The following SPATA13 variants were observed in gnomAD, a reference collection of about 807,000 sequenced individuals.
SPATA13 encodes the protein spermatogenesis-associated protein 13.
Under a neutral mutation model 104.0 loss-of-function variants are expected in SPATA13, and 50 were observed. That is an observed-to-expected ratio of 0.48 (90% CI 0.38 to 0.61). The LOEUF is 0.61. Ranked by LOEUF, SPATA13 falls within the 20% of genes least tolerant of loss-of-function variation. The probability of loss-of-function intolerance (pLI) is 0.00; values close to 1 mark genes in which losing one functional copy is unlikely to be tolerated. For missense variants in SPATA13, 1,524 were observed against 1,690.6 expected, an observed-to-expected ratio of 0.90 and a Z score of 1.73; for synonymous variants, 606 against 667.5, an observed-to-expected ratio of 0.91 and a Z score of 1.42.
intron 1 of SPATA13, among the ~76,000 whole-genome samples, chr13:24,218,273 C>A (rs973091808): frequency 5.9e-5 from 9 of 152,132 alleles, no homozygotes; most frequent in Admixed American, 5.9e-4. Context: ...GCCACCATGC[C>A]GACAAAGGGC....
chr13:24,058,840 C>T (rs912538271), intron 3 of SPATA13, among the ~76,000 whole-genome samples: 2 of 151,808 alleles, frequency 1.3e-5, no homozygotes, highest in Non-Finnish European at 2.9e-5. Context: ...TTCAACCCCA[C>T]GGAAGTTGTC....
chr13:24,206,809 T>G (rs563284367), intron 1 of SPATA13, among the ~76,000 whole-genome samples: 4 of 151,934 alleles, frequency 2.6e-5, no homozygotes, highest in African/African-American at 9.7e-5. Context: ...GGAGAATCAC[T>G]TGAACCCAGG....
intron 2 of SPATA13, among the ~76,000 whole-genome samples, chr13:24,247,016 T>C (rs1873178767): frequency 6.6e-6 from 1 of 152,184 alleles, no homozygotes; most frequent in African/African-American, 2.4e-5. Context: ...CAGTGTCTGT[T>C]TGGGTGTGGA....
At chr13:24,067,669 A>C (rs1879012185) in intron 3 of SPATA13, among the ~76,000 whole-genome samples, 3 of 152,100 alleles carry the variant, frequency 2.0e-5, no homozygotes. Flanking sequence ...GGGGTAGAAA[A>C]AGCTGCTGAT....
intron 3 of SPATA13, among the ~76,000 whole-genome samples, chr13:24,143,350 C>T (rs9507258): frequency 0.3 from 45,721 of 151,940 alleles, 7,088 homozygotes; most frequent in Non-Finnish European, 0.34. Context: ...CATTTTTCCC[C>T]AATATTAAAG....
chr13:24,302,947 C>G lies in SPATA13; in HGVS notation c.*174C>G. The G allele has an allele frequency of 1.3e-6, 1 of 786,338 alleles. No individual in the cohort carries two copies. Among genetic ancestry groups the G allele is most frequent in the Non-Finnish European group, 2.0e-6 (1 of 493,876 alleles). The allele number at this position is 786,338 out of a possible 1,614,324, so 48.7% of individuals were successfully genotyped here. On this transcript the variant is annotated 3_prime_UTR_variant, in exon 13 of 13. Transcript: ENST00000382108. ...CCTTCAGTCTTTGGAGACCCAGCTGCCTTTGTGGAAGGGAGGAGACGGTCA... is the reference window on the plus strand; with the variant it reads ...CCTTCAGTCTTTGGAGACCCAGCTGGCTTTGTGGAAGGGAGGAGACGGTCA...
intron 1 of SPATA13, among the ~76,000 whole-genome samples, chr13:24,190,271 T>TGG (rs1566141559): frequency 0.061 from 409 of 6,714 alleles, 171 homozygotes; most frequent in African/African-American, 0.15. Context: ...ATAATATATA[T>TGG]TATTATATAT....
intron 3 of SPATA13, among the ~76,000 whole-genome samples, chr13:24,146,764 G>A (rs1487462106): frequency 6.6e-6 from 1 of 152,010 alleles, no homozygotes; most frequent in African/African-American, 2.4e-5. Context: ...CATCGTGGTC[G>A]GCTATGCTTC....
chr13:24,292,828 C>A (rs1374157963), intron 9 of SPATA13, among the ~76,000 whole-genome samples: 2 of 151,732 alleles, frequency 1.3e-5, no homozygotes, highest in Non-Finnish European at 2.9e-5. Flanking sequence ...GAAATCCCAT[C>A]TCTACTAAAA....
At chr13:23,998,782 T>C (rs1490825216) in intron 2 of SPATA13, among the ~76,000 whole-genome samples, 1 of 152,238 alleles carries the variant, frequency 6.6e-6, no homozygotes, top group Non-Finnish European at 1.5e-5. Context: ...GGTTCATTTT[T>C]CTTGCACATG....
chr13:24,302,712 C>T lies in SPATA13; in HGVS notation c.3773C>T (p.Pro1258Leu). ...PQQQVFGLAE[P>L]KRKSSLFWHT... is the part of the protein sequence containing the mutation. ...CAGCAGGTCTTTGGCCTGGCGGAAC[C>T]CAAGAGGAAGTCCTCGCTCTTCTGG... Residue 1258 changes from proline (P) to leucine (L), a missense_variant, in exon 13 of 13, where the codon CCC (proline) becomes CTC (leucine). Around this residue, in one of 2 missense-constraint regions of SPATA13, gnomAD observed 435 missense variants for 554.8 expected, o/e 0.78. Transcript: ENST00000382108. The T allele has an allele frequency of 2.5e-6, 4 of 1,614,134 alleles. No homozygotes were observed. The highest frequency in any genetic ancestry group is 1.1e-5 in the South Asian group (1 of 91,088).
At chr13:24,197,060 A>G (rs1870096674) in intron 1 of SPATA13, among the ~76,000 whole-genome samples, 1 of 152,190 alleles carries the variant, frequency 6.6e-6, no homozygotes, top group Non-Finnish European at 1.5e-5. Flanking sequence ...CAGGTGGCCA[A>G]ATAACAACCA....
At chr13:24,207,984 T>A (rs1455871847) in intron 1 of SPATA13, among the ~76,000 whole-genome samples, 1 of 152,192 alleles carries the variant, frequency 6.6e-6, no homozygotes, top group African/African-American at 2.4e-5. Context: ...TTCTCTCTCC[T>A]CCTCCACCTC....
rs1231301923 is a variant in SPATA13, at chr13:24,304,871, T to C, written c.*2098T>C. On this transcript the variant is annotated 3_prime_UTR_variant, in exon 13 of 13. Transcript: ENST00000382108. ...GGTGTGTGTGTGTATGTTTCCTTCT[T>C]GAACAGACATTCCAACTTTAGATGT... The C allele has an allele frequency of 6.6e-6, 1 of 152,322 alleles. No individual in the cohort carries two copies. The highest frequency in any genetic ancestry group is 1.5e-5 in the Non-Finnish European group (1 of 68,022). 9.4% of individuals were successfully genotyped at this position (152,322 alleles called of 1,614,324 possible). A position where few individuals can be genotyped will look rare whatever the true frequency, so the allele number is the denominator to read the frequency against.
Position 24,283,222 on chromosome 13 carries a change from CCCTATTATATTT to C in SPATA13, c.2165-910_2165-899del, listed in dbSNP as rs1875681640. On this transcript the variant is annotated intron_variant, in intron 4 of 12. Coordinates refer to ENST00000382108, the MANE Select transcript of SPATA13 (RefSeq NM_001166271.3). ...AATCCTGCCACTTGCTTCAGACTCT[CCCTATTATATTT>C]CCACTTCCTGGCTGCAGTCATCAGA... 3.9e-5 allele frequency among the ~76,000 whole-genome samples: 6 copies of C among 152,336 alleles called. No homozygotes were observed. In the South Asian group the frequency reaches 1.0e-3, roughly 26 times the overall value.
At chr13:24,284,600 G>T (rs143150137) in intron 5 of SPATA13, among the ~76,000 whole-genome samples, 3,343 of 152,260 alleles carry the variant, frequency 0.022, 132 homozygotes, top group African/African-American at 0.074. Context: ...GGAGGCGGAG[G>T]TTGCAGTGAG....
intron 3 of SPATA13, among the ~76,000 whole-genome samples, chr13:24,042,152 G>T (rs1185820510): frequency 2.0e-5 from 3 of 151,730 alleles, no homozygotes; most frequent in Non-Finnish European, 4.4e-5. Flanking sequence ...GGGAGCGTTG[G>T]CTATGACCAC....
At chr13:24,022,441 ACTT>A (rs1170299477) in intron 3 of SPATA13, among the ~76,000 whole-genome samples, 1 of 152,250 alleles carries the variant, frequency 6.6e-6, no homozygotes, top group African/African-American at 2.4e-5. Flanking sequence ...AGAAATGAGT[ACTT>A]CTTAGCATAC....
intron 3 of SPATA13, among the ~76,000 whole-genome samples, chr13:24,068,011 T>A (rs1289434303): frequency 6.6e-6 from 1 of 152,204 alleles, no homozygotes. Flanking sequence ...AATTGTTTTT[T>A]ATCTTTTATT....
Sources: gnomAD v4.1 joint callset for allele counts (sites outside exome capture counted in the v4.1 genomes callset) on GRCh38, gnomAD v4.1.1 for gene constraint, gnomAD v4.1.1 regional missense constraint, MANE v1.5 for transcripts, NCBI Gene and HGNC (gene_info 2026-07-23, HGNC 2026-07-21) for gene names.